NLGN1: variants seen among roughly 807,000 people sequenced by gnomAD.
The protein encoded by NLGN1 is neuroligin-1.
In NLGN1, 12 loss-of-function variants were observed where a neutral mutation model predicts 65.5. That is an observed-to-expected ratio of 0.18 (90% CI 0.12 to 0.30). The LOEUF is 0.30. Ranked by LOEUF, NLGN1 falls within the 10% of genes least tolerant of loss-of-function variation. The probability of loss-of-function intolerance (pLI) is 1.00; values close to 1 mark genes in which losing one functional copy is unlikely to be tolerated. For missense variants in NLGN1, 750 were observed against 1,007.1 expected, an observed-to-expected ratio of 0.74 and a Z score of 3.46; for synonymous variants, 350 against 359.5, an observed-to-expected ratio of 0.97 and a Z score of 0.30.
chr3:174,244,854 A>G (rs1743510506), intron 4 of NLGN1, among the ~76,000 whole-genome samples: 1 of 152,198 alleles, frequency 6.6e-6, no homozygotes, highest in Admixed American at 6.5e-5. Flanking sequence ...ATCTGTGAGT[A>G]TAAATTACTT....
chr3:174,088,805 T>TAAATAAATAAAA (rs1415767233), intron 4 of NLGN1, among the ~76,000 whole-genome samples: 14 of 144,170 alleles, frequency 9.7e-5, no homozygotes, highest in African/African-American at 3.6e-4. Flanking sequence ...AATAAATAAA[T>TAAATAAATAAAA]AAAACTAGAT....
At position 173,437,902 on chromosome 3, in the gene NLGN1, C is replaced by G. The variant is rs1718431457; in HGVS notation, c.-321+2824C>G. ...CCTACTATCAGTCACCCTTTAACCA[C>G]TGCCACCATCCCCTCTACCATCAAA... On this transcript the variant is annotated intron_variant, in intron 2 of 6. Coordinates refer to ENST00000457714, the Ensembl canonical transcript of NLGN1. Among the ~76,000 whole-genome samples the G allele has an allele frequency of 2.0e-5, 3 of 152,172 alleles. No homozygotes were observed. In the South Asian group the frequency reaches 6.2e-4, roughly 31 times the overall value.
intron 1 of NLGN1, among the ~76,000 whole-genome samples, chr3:173,419,089 A>ATATC (rs1292393265): frequency 1.1e-4 from 7 of 62,452 alleles, no homozygotes; most frequent in South Asian, 5.1e-4. Context: ...GTATATGTCT[A>ATATC]TATCTATCTA....
chr3:174,250,217 A>G (rs1204589480), intron 4 of NLGN1, among the ~76,000 whole-genome samples: 1 of 152,214 alleles, frequency 6.6e-6, no homozygotes, highest in African/African-American at 2.4e-5. Context: ...ACGAAACATG[A>G]TATGCAAGTA....
chr3:174,253,061 AAC>A (rs1745058635), intron 4 of NLGN1, among the ~76,000 whole-genome samples: 1 of 152,192 alleles, frequency 6.6e-6, no homozygotes, highest in South Asian at 2.1e-4. Context: ...GCTTATTTCT[AAC>A]AGAGGGAAAA....
At chr3:173,512,069 C>T (rs920127676) in intron 2 of NLGN1, among the ~76,000 whole-genome samples, 2 of 152,172 alleles carry the variant, frequency 1.3e-5, no homozygotes, top group African/African-American at 4.8e-5. Flanking sequence ...GAACTCCAGG[C>T]AGGCCCATGG....
intron 4 of NLGN1, among the ~76,000 whole-genome samples, chr3:174,198,943 G>A (rs904004500): frequency 7.1e-6 from 1 of 141,306 alleles, no homozygotes; most frequent in African/African-American, 2.6e-5. Flanking sequence ...CACCTCCCAG[G>A]TTCAAGCAAT....
intron 2 of NLGN1, among the ~76,000 whole-genome samples, chr3:173,475,597 T>A (rs1726059772): frequency 6.6e-6 from 1 of 152,186 alleles, no homozygotes; most frequent in Non-Finnish European, 1.5e-5. Flanking sequence ...AAATACTTCA[T>A]CTTGTCTGCC....
At chr3:174,176,179 A>T (rs1039951841) in intron 4 of NLGN1, among the ~76,000 whole-genome samples, 19 of 151,932 alleles carry the variant, frequency 1.3e-4, no homozygotes, top group Non-Finnish European at 2.2e-4. Context: ...CCCTATAATT[A>T]TATGTATTTT....
At chr3:174,149,317 C>T (rs937002212) in intron 4 of NLGN1, among the ~76,000 whole-genome samples, 1 of 152,112 alleles carries the variant, frequency 6.6e-6, no homozygotes, top group Non-Finnish European at 1.5e-5. Flanking sequence ...TAACCCAAAC[C>T]TAGCCATTTC....
At chr3:174,056,037 G>A (rs1359988218) in intron 4 of NLGN1, among the ~76,000 whole-genome samples, 1 of 151,808 alleles carries the variant, frequency 6.6e-6, no homozygotes, top group Non-Finnish European at 1.5e-5. Flanking sequence ...GGCTTTACAT[G>A]TGTTACCTCT....
At chr3:173,848,895 G>A (rs1016987017) in intron 4 of NLGN1, among the ~76,000 whole-genome samples, 3 of 151,996 alleles carry the variant, frequency 2.0e-5, no homozygotes, top group Middle Eastern at 3.2e-3. Context: ...AATTACCTGC[G>A]ATAGATTTCT....
chr3:173,538,641 T>A (rs2149211851), intron 2 of NLGN1, among the ~76,000 whole-genome samples: 1 of 152,298 alleles, frequency 6.6e-6, no homozygotes, highest in East Asian at 1.9e-4. Context: ...CAGGGACTCA[T>A]AGCTGGTCTC....
intron 4 of NLGN1, among the ~76,000 whole-genome samples, chr3:174,061,545 G>A (rs1737419385): frequency 6.6e-6 from 1 of 152,068 alleles, no homozygotes; most frequent in South Asian, 2.1e-4. Flanking sequence ...TGGCTGAGAA[G>A]AACTTTGCAT....
At chr3:173,806,183 A>G (rs2150438270) in intron 3 of NLGN1, among the ~76,000 whole-genome samples, 1 of 152,196 alleles carries the variant, frequency 6.6e-6, no homozygotes, top group Middle Eastern at 3.4e-3. Flanking sequence ...CATTTCCCCA[A>G]CTCGAAAATC....
chr3:173,795,926 G>A (rs1330977876), intron 3 of NLGN1, among the ~76,000 whole-genome samples: 2 of 152,060 alleles, frequency 1.3e-5, no homozygotes, highest in East Asian at 1.9e-4. Context: ...CAAGAGGACA[G>A]GGGAAAAAAA....
At chr3:173,698,187 GTTTA>G (rs1253044021) in intron 3 of NLGN1, among the ~76,000 whole-genome samples, 1 of 152,152 alleles carries the variant, frequency 6.6e-6, no homozygotes, top group African/African-American at 2.4e-5. Flanking sequence ...AAGGTTTGTA[GTTTA>G]TTTATTCTGC....
rs561444848 is a variant in NLGN1, at chr3:174,024,184, T to A, written c.646+216352T>A. 1.4e-3 allele frequency among the ~76,000 whole-genome samples: 200 copies of A among 147,848 alleles called. 2 individuals carry two copies. Among genetic ancestry groups the A allele is most frequent in the Admixed American group, 3.0e-3 (44 of 14,846 alleles). ...AAAAAAAACACGGGCTGGACCATAG[T>A]TAAACTGCTGCAGCAGAGCATAGAT... is the stretch of plus-strand genomic sequence containing the variant. On this transcript the variant is annotated intron_variant, in intron 4 of 6. Coordinates refer to ENST00000457714, the Ensembl canonical transcript of NLGN1.
chr3:173,429,879 G>C (rs1445293589), intron 1 of NLGN1, among the ~76,000 whole-genome samples: 1 of 152,178 alleles, frequency 6.6e-6, no homozygotes, highest in African/African-American at 2.4e-5. Context: ...CCTAAAGCAT[G>C]TTGCTGCTGA....
Sources: gnomAD v4.1 joint callset for allele counts (sites outside exome capture counted in the v4.1 genomes callset) on GRCh38, gnomAD v4.1.1 for gene constraint, MANE v1.5 for transcripts, NCBI Gene and HGNC (gene_info 2026-07-23, HGNC 2026-07-21) for gene names.